COL14A1: variants seen among roughly 807,000 people sequenced by gnomAD.
COL14A1 encodes the protein collagen alpha-1(XIV) chain.
In COL14A1, 136 loss-of-function variants were observed where a neutral mutation model predicts 230.3. The observed-to-expected ratio is 0.59, with a 90% CI of 0.51 to 0.68. The LOEUF is 0.68. Ranked by LOEUF, COL14A1 falls within the 30% of genes least tolerant of loss-of-function variation. The pLI, the probability that COL14A1 is intolerant of heterozygous loss-of-function variation, is 0.00. For missense variants in COL14A1, 1,976 were observed against 2,215.8 expected (o/e 0.89, Z 2.17); for synonymous variants, 792 against 784.1 (o/e 1.01, Z -0.17).
chr8:120,251,345 G>A (rs1402263431), intron 22 of COL14A1, among the ~76,000 whole-genome samples: 2 of 152,172 alleles, frequency 1.3e-5, no homozygotes, highest in Admixed American at 6.5e-5. Context: ...CAAACAGCCT[G>A]TAGCCCGAGA....
chr8:120,148,917 TATAA>T (rs1815182899), intron 2 of COL14A1, among the ~76,000 whole-genome samples: 1 of 152,360 alleles, frequency 6.6e-6, no homozygotes, highest in East Asian at 1.9e-4. Context: ...TGCCTATTTT[TATAA>T]ATAAAGTTTT....
intron 36 of COL14A1, among the ~76,000 whole-genome samples, chr8:120,309,152 G>T (rs1224671238): frequency 1.3e-5 from 2 of 152,088 alleles, no homozygotes; most frequent in African/African-American, 2.4e-5. Flanking sequence ...AGCCAGGATG[G>T]TCTCGATCTC....
intron 20 of COL14A1, among the ~76,000 whole-genome samples, chr8:120,246,935 T>C (rs1164054399): frequency 2.6e-5 from 4 of 152,348 alleles, no homozygotes. Context: ...TAACATTCTA[T>C]GAACACACCC....
rs560213857 is a variant in COL14A1, at chr8:120,193,008, G to A, written c.437-3783G>A. Reference sequence around the variant, plus strand: ...TGGTTTGAATTTCCTCCTGTAGCTCGGAGTAATTTGATCGTCTGAAGCCTT... The same window carrying A: ...TGGTTTGAATTTCCTCCTGTAGCTCAGAGTAATTTGATCGTCTGAAGCCTT... On this transcript the variant is annotated intron_variant, in intron 5 of 47. Coordinates refer to ENST00000297848, the MANE Select transcript of COL14A1 (RefSeq NM_021110.4). 3.9e-4 allele frequency among the ~76,000 whole-genome samples: 60 copies of A among 152,160 alleles called. No homozygotes were observed. The South Asian group carries it at 9.1e-3, about 23-fold the overall frequency.
chr8:120,173,520 G>C (rs1042007504), intron 5 of COL14A1, among the ~76,000 whole-genome samples: 3 of 144,900 alleles, frequency 2.1e-5, no homozygotes, highest in African/African-American at 7.4e-5. Context: ...TTATCTCTCT[G>C]TCTGTCTCTC....
chr8:120,274,128 GCTGTGATCAGGTGGATGT>G (rs1408553176), intron 26 of COL14A1, among the ~76,000 whole-genome samples: 2 of 151,690 alleles, frequency 1.3e-5, no homozygotes, highest in East Asian at 3.9e-4. Flanking sequence ...AAGATAATAC[GCTGTGATCAGGTGGATGT>G]CATCCCAGGG....
At chr8:120,316,341 C>G (rs908030706) in intron 40 of COL14A1, among the ~76,000 whole-genome samples, 1 of 152,042 alleles carries the variant, frequency 6.6e-6, no homozygotes, top group Non-Finnish European at 1.5e-5. Flanking sequence ...AATAAAGAAC[C>G]ATATGAATTA....
At chr8:120,339,060 G>A (rs952947928) in intron 42 of COL14A1, among the ~76,000 whole-genome samples, 76 of 152,222 alleles carry the variant, frequency 5.0e-4, no homozygotes, top group Non-Finnish European at 2.9e-4. Flanking sequence ...CCAGGTTCAA[G>A]TGATTCTCCT....
chr8:120,125,628 GA>G (rs1422196359), intron 1 of COL14A1, among the ~76,000 whole-genome samples: 5 of 152,120 alleles, frequency 3.3e-5, no homozygotes, highest in Non-Finnish European at 7.4e-5. Context: ...CCCAGTGTTT[GA>G]GTGACGTGAG....
Position 120,199,512 on chromosome 8 carries a change from A to G in COL14A1, c.823A>G (p.Ile275Val). The G allele has an allele frequency of 6.2e-7, 1 of 1,613,218 alleles. No individual in the cohort carries two copies. Among genetic ancestry groups the G allele is most frequent in the Non-Finnish European group, 8.5e-7 (1 of 1,179,624 alleles). ...CACAGATGGAAAATCCCAAGATGAC[A>G]TTATTCCACCATCTAGAAATCTTCG... is the stretch of plus-strand genomic sequence containing the variant. ...LITDGKSQDD[I>V]IPPSRNLRES... Residue 275 changes from isoleucine to valine, a missense_variant, in exon 8 of 48, where the codon ATT becomes GTT. Physicochemically the swap from Ile to Val is conservative, Grantham distance 29. Around this residue, in one of 3 missense-constraint regions of COL14A1, gnomAD observed 1,791 missense variants for 2,019.5 expected, o/e 0.89. Coordinates refer to ENST00000297848, the MANE Select transcript of COL14A1 (RefSeq NM_021110.4).
chr8:120,151,145 T>C (rs1047553592), intron 2 of COL14A1, among the ~76,000 whole-genome samples: 3 of 152,174 alleles, frequency 2.0e-5, no homozygotes, highest in African/African-American at 7.2e-5. Context: ...TTGGTTTTGC[T>C]GATTAGGAAA....
At chr8:120,156,219 G>T (rs553131817) in intron 2 of COL14A1, among the ~76,000 whole-genome samples, 12 of 151,756 alleles carry the variant, frequency 7.9e-5, no homozygotes, top group Admixed American at 7.9e-4. Context: ...GTCCAGGCTG[G>T]AGTGCAGTAG....
chr8:120,286,110 G>A, intron 33 of COL14A1, 140 bp downstream of exon 33: 2 of 605,664 alleles, frequency 3.3e-6, no homozygotes, highest in Admixed American at 3.3e-5. Flanking sequence ...CAATACCTGT[G>A]CTTGTTAACA....
At chr8:120,269,079 A>G (rs1470490454) in intron 25 of COL14A1, among the ~76,000 whole-genome samples, 1 of 151,832 alleles carries the variant, frequency 6.6e-6, no homozygotes, top group African/African-American at 2.4e-5. Context: ...GTTGTACTTC[A>G]TAAAATAAAA....
chr8:120,292,888 A>G (rs1025273547), intron 34 of COL14A1, among the ~76,000 whole-genome samples: 2 of 152,072 alleles, frequency 1.3e-5, no homozygotes, highest in African/African-American at 4.8e-5. Context: ...TACAGTAACT[A>G]CTCGATAGAA....
chr8:120,166,767 C>T (rs13249040), intron 4 of COL14A1, among the ~76,000 whole-genome samples: 13,786 of 151,782 alleles, frequency 0.091, 788 homozygotes, highest in East Asian at 0.16. Flanking sequence ...GATTGTGTTT[C>T]GTGAATAGTA....
intron 38 of COL14A1, among the ~76,000 whole-genome samples, chr8:120,314,447 G>T (rs1436526373): frequency 6.6e-6 from 1 of 151,994 alleles, no homozygotes; most frequent in Non-Finnish European, 1.5e-5. Context: ...TATCTCAAAT[G>T]GCATCAAAGT....
chr8:120,348,763 GTTT>G (rs1467824946), intron 45 of COL14A1, among the ~76,000 whole-genome samples: 3 of 152,158 alleles, frequency 2.0e-5, no homozygotes, highest in African/African-American at 7.2e-5. Context: ...TTCTATTCTA[GTTT>G]TTCAAACTTT....
At chr8:120,324,773 A>G (rs1344028696) in intron 40 of COL14A1, among the ~76,000 whole-genome samples, 1 of 152,228 alleles carries the variant, frequency 6.6e-6, no homozygotes, top group Non-Finnish European at 1.5e-5. Flanking sequence ...GAAGATATGA[A>G]TGAAGAATAG....
Sources: gnomAD v4.1 joint callset for allele counts (sites outside exome capture counted in the v4.1 genomes callset) on GRCh38, gnomAD v4.1.1 for gene constraint, gnomAD v4.1.1 regional missense constraint, MANE v1.5 for transcripts, NCBI Gene and HGNC (gene_info 2026-07-23, HGNC 2026-07-21) for gene names.